IGSF9B: variants seen among roughly 807,000 people sequenced by gnomAD.
The protein encoded by IGSF9B is immunoglobulin superfamily member 9B, also known as protein turtle homolog B.
A neutral mutation model predicts 143.7 loss-of-function variants in IGSF9B; 48 were observed. The ratio of observed to expected loss-of-function variants is 0.33; its 90% CI spans 0.26 to 0.42. The LOEUF (loss-of-function observed/expected upper bound fraction) is 0.42. IGSF9B is among the 20% of genes least tolerant of loss of function. IGSF9B has a pLI of 1.00. For missense variants in IGSF9B, 1,706 were observed against 1,980.0 expected (o/e 0.86, Z 2.63); for synonymous variants, 903 against 833.1 (o/e 1.08, Z -1.44).
chr11:133,933,294 C>G (rs1207352371), intron 7 of IGSF9B, among the ~76,000 whole-genome samples: 1 of 152,206 alleles, frequency 6.6e-6, no homozygotes, highest in Non-Finnish European at 1.5e-5. Context: ...CTCCTTATCC[C>G]AAAGTCTCCT....
chr11:133,911,711 T>C (rs1380651581), intron 19 of IGSF9B, among the ~76,000 whole-genome samples, 175 bp downstream of exon 19: 1 of 151,936 alleles, frequency 6.6e-6, no homozygotes, highest in Non-Finnish European at 1.5e-5. Context: ...GCTTGAAAAA[T>C]AGTGTTAAAA....
At position 133,908,161 on chromosome 11, in the gene IGSF9B, T is replaced by C. The variant is rs938580424; in HGVS notation, c.*908A>G. 2.6e-5 allele frequency among the ~76,000 whole-genome samples: 4 copies of C among 152,198 alleles called. No homozygotes were observed. The highest frequency in any genetic ancestry group is 5.9e-5 in the Non-Finnish European group (4 of 68,034). On this transcript the variant is annotated 3_prime_UTR_variant, in exon 20 of 20. Transcript: ENST00000533871. ...GGCGCCGACGGATGCGCTGGACATG[T>C]GCACCAGAGGCTTGCTTTAGCCCCG...
chr11:133,910,287 G>A (rs1939281553), intron 19 of IGSF9B, among the ~76,000 whole-genome samples: 1 of 152,218 alleles, frequency 6.6e-6, no homozygotes, highest in African/African-American at 2.4e-5. Context: ...TGGTGGCTGT[G>A]TGTGGAGTCC....
rs931869437 is a variant in IGSF9B at position 133,937,741 on chromosome 11, G to A, written c.561+69C>T. ...GTGCCTGTAGCATCAGGGGTCGGCT[G>A]CAGTAGGAGGCTGCCCTGGGGAAAC... is the stretch of plus-strand genomic sequence containing the variant. On this transcript the variant is annotated intron_variant, in intron 4 of 19. Transcript: ENST00000533871. The A allele has an allele frequency of 9.8e-6, 15 of 1,526,676 alleles. No individual in the cohort carries two copies. The East Asian group carries it at 2.4e-4, about 24-fold the overall frequency. The allele number at this position is 1,526,676 out of a possible 1,614,324, so 94.6% of individuals were successfully genotyped here. A position where few individuals can be genotyped will look rare whatever the true frequency, so the allele number is the denominator to read the frequency against.
intron 7 of IGSF9B, 131 bp downstream of exon 7, chr11:133,935,481 TTCTTC>T: frequency 9.4e-7 from 1 of 1,062,740 alleles, no homozygotes; most frequent in Non-Finnish European, 1.3e-6. Flanking sequence ...CCATCCCTCC[TTCTTC>T]TCTTATTCGC....
At position 133,920,493 on chromosome 11, in the gene IGSF9B, G is replaced by A. The variant is rs187022741; in HGVS notation, c.3232C>T (p.Arg1078Ter). The A allele has an allele frequency of 4.4e-6, 7 of 1,582,582 alleles. No homozygotes were observed. Among genetic ancestry groups the A allele is most frequent in the East Asian group, 2.2e-5 (1 of 44,536 alleles). The part of the protein sequence containing the change: ...ESLQPKAGLP[R>*]GLPPTSLQVP... ...TGCAGGGAGGTGGGGGGCAGTCCTCGGGGGAGGCCGGCCTTGGGCTGCAGA... is the reference window on the plus strand; with the variant it reads ...TGCAGGGAGGTGGGGGGCAGTCCTCAGGGGAGGCCGGCCTTGGGCTGCAGA... Residue 1078 changes from arginine (R) to a stop codon, truncating the protein, a stop_gained, in exon 18 of 20, where the codon CGA (arginine) becomes TGA (stop). Transcript: ENST00000533871. LOFTEE classifies it high-confidence loss of function.
rs191258306 is a variant in IGSF9B, at chr11:133,934,345, C to A, written c.967+1272G>T. On this transcript the variant is annotated intron_variant, in intron 7 of 19. Coordinates refer to ENST00000533871, the MANE Select transcript of IGSF9B (RefSeq NM_001277285.4). ...ACAGCCTGCGTCCAGCACAGAGGGA[C>A]GGGGCGCACCTTTGTGGTGGACGGG... 2.0e-5 allele frequency among the ~76,000 whole-genome samples: 3 copies of A among 152,220 alleles called. No homozygotes were observed. In the East Asian group the frequency reaches 5.8e-4, roughly 29 times the overall value.
intron 3 of IGSF9B, among the ~76,000 whole-genome samples, chr11:133,942,834 T>G (rs1305729568): frequency 3.9e-5 from 6 of 152,122 alleles, no homozygotes; most frequent in Non-Finnish European, 8.8e-5. Flanking sequence ...CAAATATGCT[T>G]CAATCAGTCT....
At chr11:133,914,019 T>C (rs1939340782) in intron 18 of IGSF9B, among the ~76,000 whole-genome samples, 1 of 152,106 alleles carries the variant, frequency 6.6e-6, no homozygotes, top group Non-Finnish European at 1.5e-5. Context: ...CGGTACAGGG[T>C]GCCCTGAAAA....
Position 133,920,342 on chromosome 11 carries a change from G to T in IGSF9B, c.3383C>A (p.Pro1128His). 6 of 1,600,454 alleles carry T rather than the reference G, an allele frequency of 3.7e-6. No homozygotes were observed. The highest frequency in any genetic ancestry group is 5.1e-6 in the Non-Finnish European group (6 of 1,173,524). The stretch of plus-strand genomic sequence containing the variant: ...TCGCAGCTGCCCTTGGCTTACCAGA[G>T]GTTGCATAGGTCTGTCCTGCCACTT... ...AAKWQDRPMQ[P>H]LVSQGQLRHT... The change falls in exon 18 of 20, where the codon CCT becomes CAT. Residue 1128 changes from proline to histidine, a missense_variant. By Grantham distance (77) the Pro-to-His change is moderately conservative. Around this residue, in one of 7 missense-constraint regions of IGSF9B, gnomAD observed 880 missense variants for 762.9 expected, o/e 1.15. Coordinates refer to ENST00000533871, the MANE Select transcript of IGSF9B (RefSeq NM_001277285.4).
chr11:133,933,985 T>G (rs559741945), intron 7 of IGSF9B, among the ~76,000 whole-genome samples: 17 of 151,874 alleles, frequency 1.1e-4, no homozygotes, highest in African/African-American at 3.4e-4. Flanking sequence ...TGGTAGAGTT[T>G]TTTTTTTTTT....
chr11:133,941,999 A>G (rs1012720300), intron 3 of IGSF9B, among the ~76,000 whole-genome samples: 2 of 152,214 alleles, frequency 1.3e-5, no homozygotes, highest in African/African-American at 4.8e-5. Flanking sequence ...GGACAGGGTC[A>G]TGCCTCCTGC....
Position 133,932,097 on chromosome 11 carries a change from C to T in IGSF9B, c.1084G>A (p.Asp362Asn). 6.2e-7 allele frequency: 1 copy of T among 1,613,902 alleles called. No homozygotes were observed. Among genetic ancestry groups the T allele is most frequent in the South Asian group, 1.1e-5 (1 of 91,052 alleles). The change falls in exon 8 of 20, where the codon GAC (aspartate) becomes AAC (asparagine). Residue 362 changes from aspartate (D) to asparagine (N), a missense_variant. Coordinates refer to ENST00000533871, the MANE Select transcript of IGSF9B (RefSeq NM_001277285.4). ...PPATVVKWNKDGRPLQVEKNL... is the reference protein window; with the variant it reads ...PPATVVKWNKNGRPLQVEKNL... ...TTCTCAACCTGCAGGGGACGGCCGT[C>T]CTTGTTCCACTTGACCACGGTGGCC...
intron 11 of IGSF9B, among the ~76,000 whole-genome samples, chr11:133,930,273 T>C (rs904309844): frequency 2.6e-5 from 4 of 152,152 alleles, no homozygotes; most frequent in African/African-American, 7.2e-5. Flanking sequence ...TTCTTAGCGA[T>C]GTGACGCCGG....
At chr11:133,922,933 T>A (rs1028248561) in intron 15 of IGSF9B, among the ~76,000 whole-genome samples, 5 of 152,086 alleles carry the variant, frequency 3.3e-5, no homozygotes, top group African/African-American at 1.2e-4. Flanking sequence ...GAAGTCAATC[T>A]CTCCAAAGGG....
chr11:133,919,958 C>T lies in IGSF9B; in HGVS notation c.3767G>A (p.Gly1256Asp). The T allele has an allele frequency of 1.3e-6, 2 of 1,563,450 alleles. No homozygotes were observed. The highest frequency in any genetic ancestry group is 2.3e-5 in the East Asian group (1 of 44,200). Reference protein sequence around the residue: ...SFSRKSTPSTGSPSQSSRSGS... With the variant: ...SFSRKSTPSTDSPSQSSRSGS... ...ACTGCGGCTGCTCTGGGAGGGGGAGCCTGTGGACGGCGTAGACTTTCGAGA... is the reference window on the plus strand; with the variant it reads ...ACTGCGGCTGCTCTGGGAGGGGGAGTCTGTGGACGGCGTAGACTTTCGAGA... The change falls in exon 18 of 20, where the codon GGC becomes GAC. Residue 1256 changes from glycine (G) to aspartate (D), a missense_variant. Coordinates refer to ENST00000533871, the MANE Select transcript of IGSF9B (RefSeq NM_001277285.4).
rs1939102119 is a variant in IGSF9B at position 133,900,475 on chromosome 11, C to T, written c.*8594G>A. ...GCTCAGAGAGGTATTCTTCAGGGCA[C>T]ACTGCTTCCTGCTCAGATACAAGTG... On this transcript the variant is annotated 3_prime_UTR_variant, in exon 20 of 20. Coordinates refer to ENST00000533871, the MANE Select transcript of IGSF9B (RefSeq NM_001277285.4). The T allele has an allele frequency of 6.5e-6, 1 of 152,708 alleles. No individual in the cohort carries two copies. Among genetic ancestry groups the T allele is most frequent in the Non-Finnish European group, 1.5e-5 (1 of 68,084 alleles). The allele number at this position is 152,708 out of a possible 1,614,324, so 9.5% of individuals were successfully genotyped here.
intron 3 of IGSF9B, 140 bp downstream of exon 3, chr11:133,944,080 T>C (rs1392269491): frequency 9.6e-6 from 9 of 936,982 alleles, no homozygotes; most frequent in Non-Finnish European, 1.4e-5. Context: ...TGATGTCTCA[T>C]GGGACCACAG....
chr11:133,925,691 C>A, intron 14 of IGSF9B, 48 bp downstream of exon 14: 1 of 1,521,950 alleles, frequency 6.6e-7, no homozygotes, highest in South Asian at 1.2e-5. Flanking sequence ...AGAGTCTTGT[C>A]GCTTCCCGGA....
Sources: gnomAD v4.1 joint callset for allele counts (sites outside exome capture counted in the v4.1 genomes callset) on GRCh38, gnomAD v4.1.1 for gene constraint, gnomAD v4.1.1 regional missense constraint, MANE v1.5 for transcripts, NCBI Gene and HGNC (gene_info 2026-07-23, HGNC 2026-07-21) for gene names.